Variants in TMEM171 observed in about 807,000 individuals in gnomAD.
The protein encoded by TMEM171 is transmembrane protein 171, also known as proline-rich protein PRP2.
In TMEM171, 16 loss-of-function variants were observed where a neutral mutation model predicts 19.1. That is an observed-to-expected ratio of 0.84 (90% confidence interval 0.57 to 1.27). TMEM171 has a LOEUF of 1.27. TMEM171 is among the 50% of genes most tolerant of loss of function. The probability of loss-of-function intolerance (pLI) is 0.00; values close to 1 mark genes in which losing one functional copy is unlikely to be tolerated. For synonymous variants in TMEM171, 153 were observed against 163.4 expected (o/e 0.94, Z 0.48); for missense variants, 429 against 412.7 (o/e 1.04, Z -0.34).
In TMEM171 at chr5:73,131,689, G is replaced by A; in HGVS notation, c.934G>A (p.Ala312Thr). The A allele has an allele frequency of 6.2e-7, 1 of 1,613,712 alleles. No homozygotes were observed. The highest frequency in any genetic ancestry group is 8.5e-7 in the Non-Finnish European group (1 of 1,179,850). Residue 312 changes from alanine (A) to threonine (T), a missense_variant, in exon 4 of 4, where the codon GCT becomes ACT. Coordinates refer to ENST00000454765, the MANE Select transcript of TMEM171 (RefSeq NM_173490.8). Reference protein sequence around the residue: ...PRYEEKENAAATFLPLSSEPS... With the variant: ...PRYEEKENAATTFLPLSSEPS... Reference sequence around the variant, plus strand: ...ATATGAAGAAAAAGAAAATGCTGCAGCTACATTCTTGCCTCTATCTTCTGA... The same window carrying A: ...ATATGAAGAAAAAGAAAATGCTGCAACTACATTCTTGCCTCTATCTTCTGA...
In TMEM171 at chr5:73,120,607, G is replaced by C. The variant is rs558258251; in HGVS notation, c.-158G>C. On this transcript the variant is annotated 5_prime_UTR_variant, in exon 1 of 4. Transcript: ENST00000454765. ...GCGGTGGGTAGGGTGCAGGGCGGCCGGCGCAGCCGAGGCCGCGTGCGGAGG... is the reference window on the plus strand; with the variant it reads ...GCGGTGGGTAGGGTGCAGGGCGGCCCGCGCAGCCGAGGCCGCGTGCGGAGG... 1.0e-6 allele frequency: 1 copy of C among 984,900 alleles called. No homozygotes were observed. Among genetic ancestry groups the C allele is most frequent in the African/African-American group, 1.7e-5 (1 of 57,256 alleles). 61.0% of individuals were successfully genotyped at this position (984,900 alleles called of 1,614,324 possible).
chr5:73,128,624 A>G, intron 3 of TMEM171, 93 bp downstream of exon 3: 2 of 1,491,708 alleles, frequency 1.3e-6, no homozygotes, highest in South Asian at 2.5e-5. Flanking sequence ...TTCAAGTGTG[A>G]GTATCTTTTT....
Position 73,123,444 on chromosome 5 carries a change from GCTT to G in TMEM171, c.75_77del (p.Phe26del), listed in dbSNP as rs763830819. On this transcript the variant is annotated inframe_deletion, in exon 2 of 4. Coordinates refer to ENST00000454765, the MANE Select transcript of TMEM171 (RefSeq NM_173490.8). ...AGACACGTCAGCAAACTCATCTTCT[GCTT>G]CTTTGTCTTCGGCGCCGTCTTGTTG... 72 of 1,614,182 alleles carry G rather than the reference GCTT, an allele frequency of 4.5e-5. No individual in the cohort carries two copies. The South Asian group carries it at 6.9e-4, about 16-fold the overall frequency.
chr5:73,126,904 C>T (rs1333851551), intron 2 of TMEM171, among the ~76,000 whole-genome samples: 1 of 152,190 alleles, frequency 6.6e-6, no homozygotes, highest in Non-Finnish European at 1.5e-5. Flanking sequence ...TTCTGGTCCA[C>T]TTGTGTGGTG....
chr5:73,124,085 G>A (rs555213620), intron 2 of TMEM171, 72 bp downstream of exon 2: 1 of 1,302,828 alleles, frequency 7.7e-7, no homozygotes, highest in Non-Finnish European at 1.0e-6. Context: ...AGCTGCTCTT[G>A]GTTCTCGTCT....
chr5:73,126,156 T>C (rs965337373), intron 2 of TMEM171, among the ~76,000 whole-genome samples: 1 of 152,228 alleles, frequency 6.6e-6, no homozygotes, highest in Non-Finnish European at 1.5e-5. Flanking sequence ...ACAGGGTTAC[T>C]GGAGCATATC....
In TMEM171 at chr5:73,131,517, G is replaced by A. The variant is rs777128842; in HGVS notation, c.783-21G>A. ...ACTGTTTTCATCCCCTCCCCTTCAT[G>A]TTCTCTCTCCTTCTCTTTAGCAGGA... On this transcript the variant is annotated intron_variant, in intron 3 of 3. Coordinates refer to ENST00000454765, the MANE Select transcript of TMEM171 (RefSeq NM_173490.8). The A allele has an allele frequency of 5.1e-6, 8 of 1,556,936 alleles. No homozygotes were observed. The Admixed American group carries it at 1.6e-4, about 30-fold the overall frequency.
At chr5:73,130,826 T>C (rs978231309) in intron 3 of TMEM171, among the ~76,000 whole-genome samples, 2 of 152,178 alleles carry the variant, frequency 1.3e-5, no homozygotes, top group Non-Finnish European at 2.9e-5. Flanking sequence ...GTATTTTTTT[T>C]CTTCTAATGA....
rs1744073890 is a variant in TMEM171, at chr5:73,123,721, G to C, written c.348G>C (p.Gly116=). The C allele has an allele frequency of 1.2e-6, 2 of 1,614,058 alleles. No individual in the cohort carries two copies. The highest frequency in any genetic ancestry group is 3.3e-5 in the Admixed American group (2 of 60,014). ...SRQFAQCLIF[G]FLFLTSGMLI... ...AGTTTGCCCAGTGCCTTATCTTTGGGTTTCTGTTCTTGACAAGCGGCATGC... is the reference window on the plus strand; with the variant it reads ...AGTTTGCCCAGTGCCTTATCTTTGGCTTTCTGTTCTTGACAAGCGGCATGC... Residue 116 remains glycine, a synonymous_variant, in exon 2 of 4, where the codon GGG becomes GGC. Transcript: ENST00000454765.
At position 73,123,605 on chromosome 5, in the gene TMEM171, C is replaced by G; in HGVS notation, c.232C>G (p.Arg78Gly). The change falls in exon 2 of 4, where the codon CGC becomes GGC. Residue 78 changes from arginine to glycine, a missense_variant. Physicochemically the swap from Arg to Gly is moderately radical, Grantham distance 125. Coordinates refer to ENST00000454765, the MANE Select transcript of TMEM171 (RefSeq NM_173490.8). ...VVGLGAVILA[R>G]SRAQLQLRAG... ...TGGGCTTGGGGCTGTGATCCTGGCC[C>G]GCTCCCGGGCGCAACTTCAGCTCCG... 1 of 1,614,212 alleles carries G rather than the reference C, an allele frequency of 6.2e-7. No homozygotes were observed. The highest frequency in any genetic ancestry group is 8.5e-7 in the Non-Finnish European group (1 of 1,180,036).
chr5:73,131,338 T>C (rs961494640), intron 3 of TMEM171, among the ~76,000 whole-genome samples, 200 bp from the exon 4 acceptor site: 3 of 152,088 alleles, frequency 2.0e-5, no homozygotes, highest in Non-Finnish European at 4.4e-5. Flanking sequence ...ACTGTCTTAA[T>C]GTTACACTCA....
chr5:73,120,651 A>G lies in TMEM171; in HGVS notation c.-114A>G. The G allele has an allele frequency of 1.0e-6, 1 of 983,888 alleles. No individual in the cohort carries two copies. The highest frequency in any genetic ancestry group is 1.2e-6 in the Non-Finnish European group (1 of 829,640). 60.9% of individuals were successfully genotyped at this position (983,888 alleles called of 1,614,324 possible). A position where few individuals can be genotyped will look rare whatever the true frequency, so the allele number is the denominator to read the frequency against. On this transcript the variant is annotated 5_prime_UTR_variant, in exon 1 of 4. Transcript: ENST00000454765. ...GCGGAGGCGGACGCCGCGCCCAGCCAGTGCCCACAGCAGCGCGGTCAGCCA... is the reference window on the plus strand; with the variant it reads ...GCGGAGGCGGACGCCGCGCCCAGCCGGTGCCCACAGCAGCGCGGTCAGCCA...
At position 73,131,694 on chromosome 5, in the gene TMEM171, A is replaced by G. The variant is rs370555811; in HGVS notation, c.939A>G (p.Thr313=). 1.9e-6 allele frequency: 3 copies of G among 1,613,670 alleles called. No homozygotes were observed. Among genetic ancestry groups the G allele is most frequent in the South Asian group, 1.1e-5 (1 of 90,972 alleles). ...AAGAAAAAGAAAATGCTGCAGCTAC[A>G]TTCTTGCCTCTATCTTCTGAGCCTT... is the stretch of plus-strand genomic sequence containing the variant. ...RYEEKENAAA[T]FLPLSSEPSP... The change falls in exon 4 of 4, where the codon ACA becomes ACG. Residue 313 remains threonine (T), a synonymous_variant. Coordinates refer to ENST00000454765, the MANE Select transcript of TMEM171 (RefSeq NM_173490.8).
Position 73,131,527 on chromosome 5 carries a change from C to A in TMEM171, c.783-11C>A, listed in dbSNP as rs1298812543. The A allele has an allele frequency of 6.3e-7, 1 of 1,581,856 alleles. No homozygotes were observed. ...TCCCCTCCCCTTCATGTTCTCTCTC[C>A]TTCTCTTTAGCAGGACCCCAACTTC... On this transcript the variant is annotated splice_polypyrimidine_tract_variant and intron_variant, in intron 3 of 3. Coordinates refer to ENST00000454765, the MANE Select transcript of TMEM171 (RefSeq NM_173490.8).
In TMEM171 at chr5:73,120,592, G is replaced by A; in HGVS notation, c.-173G>A. On this transcript the variant is annotated 5_prime_UTR_variant, in exon 1 of 4. Coordinates refer to ENST00000454765, the MANE Select transcript of TMEM171 (RefSeq NM_173490.8). The stretch of plus-strand genomic sequence containing the variant: ...TCCGCACCAGGACGCGCGGTGGGTA[G>A]GGTGCAGGGCGGCCGGCGCAGCCGA... 1 of 985,182 alleles carries A rather than the reference G, an allele frequency of 1.0e-6. No individual in the cohort carries two copies. The highest frequency in any genetic ancestry group is 1.2e-6 in the Non-Finnish European group (1 of 830,008). The allele number at this position is 985,182 out of a possible 1,614,324, so 61.0% of individuals were successfully genotyped here. A position where few individuals can be genotyped will look rare whatever the true frequency, so the allele number is the denominator to read the frequency against.
chr5:73,123,036 T>C (rs954696922), intron 1 of TMEM171, among the ~76,000 whole-genome samples: 1 of 152,256 alleles, frequency 6.6e-6, no homozygotes, highest in Non-Finnish European at 1.5e-5. Flanking sequence ...CAGCTACTTT[T>C]GTTCTTTCAG....
At chr5:73,127,538 G>A (rs956525115) in intron 2 of TMEM171, among the ~76,000 whole-genome samples, 1 of 150,874 alleles carries the variant, frequency 6.6e-6, no homozygotes, top group African/African-American at 2.4e-5. Flanking sequence ...CCGGGTTCAA[G>A]CAATTCTCCT....
chr5:73,126,489 A>C (rs893908569), intron 2 of TMEM171, among the ~76,000 whole-genome samples: 2 of 152,212 alleles, frequency 1.3e-5, no homozygotes, highest in African/African-American at 4.8e-5. Flanking sequence ...GCCAGTGGCC[A>C]ATTGCCTCTG....
chr5:73,128,836 T>C (rs532238700), intron 3 of TMEM171, among the ~76,000 whole-genome samples: 1 of 152,328 alleles, frequency 6.6e-6, no homozygotes, highest in East Asian at 1.9e-4. Context: ...CTCACACCTG[T>C]AATCCCAGCA....
Sources: gnomAD v4.1 joint callset for allele counts (sites outside exome capture counted in the v4.1 genomes callset) on GRCh38, gnomAD v4.1.1 for gene constraint, MANE v1.5 for transcripts, NCBI Gene and HGNC (gene_info 2026-07-23, HGNC 2026-07-21) for gene names.